LRRC7: variants seen among roughly 807,000 people sequenced by gnomAD.
LRRC7 encodes leucine rich repeat containing 7, also known as leucine-rich repeat-containing protein 7.
Under a neutral mutation model 175.7 loss-of-function variants are expected in LRRC7, and 23 were observed. The ratio of observed to expected loss-of-function variants is 0.13; its 90% CI spans 0.09 to 0.19. The LOEUF (loss-of-function observed/expected upper bound fraction) is 0.19, where lower values mean the gene tolerates loss of function less well. Among genes scored for constraint, LRRC7 ranks in the 10% least tolerant of loss-of-function variants. The probability of loss-of-function intolerance (pLI) is 1.00; values close to 1 mark genes in which losing one functional copy is unlikely to be tolerated. For synonymous variants in LRRC7, 685 were observed against 680.9 expected, an observed-to-expected ratio of 1.01 and a Z score of -0.09; for missense variants, 1,354 against 1,904.7, an observed-to-expected ratio of 0.71 and a Z score of 5.38.
intron 3 of LRRC7, among the ~76,000 whole-genome samples, chr1:69,782,615 CA>C (rs1673899841): frequency 6.6e-6 from 1 of 151,874 alleles, no homozygotes; most frequent in Non-Finnish European, 1.5e-5. Flanking sequence ...GGAGAAGGGC[CA>C]GGGAAAAGGG....
At chr1:69,937,039 T>C (rs1329790892) in intron 8 of LRRC7, among the ~76,000 whole-genome samples, 1 of 152,152 alleles carries the variant, frequency 6.6e-6, no homozygotes, top group African/African-American at 2.4e-5. Context: ...TTTTTACTTA[T>C]ATCTAGCTAT....
At chr1:69,635,138 TC>T (rs1653124630) in intron 1 of LRRC7, among the ~76,000 whole-genome samples, 1 of 152,038 alleles carries the variant, frequency 6.6e-6, no homozygotes, top group South Asian at 2.1e-4. Context: ...CCTTGTGCTC[TC>T]ATCATTTAGC....
At chr1:69,572,318 G>T (rs1226515713) in intron 1 of LRRC7, among the ~76,000 whole-genome samples, 1 of 151,998 alleles carries the variant, frequency 6.6e-6, no homozygotes, top group Non-Finnish European at 1.5e-5. Context: ...AACCTATAAT[G>T]AAGCAAATTA....
intron 1 of LRRC7, among the ~76,000 whole-genome samples, chr1:69,630,149 T>C (rs1033405523): frequency 2.6e-5 from 4 of 152,114 alleles, no homozygotes; most frequent in Non-Finnish European, 5.9e-5. Context: ...ATCTCTCTAT[T>C]TTCTTGTTCC....
At chr1:69,716,779 G>A (rs1665398537) in intron 2 of LRRC7, among the ~76,000 whole-genome samples, 1 of 151,782 alleles carries the variant, frequency 6.6e-6, no homozygotes, top group Non-Finnish European at 1.5e-5. Context: ...AATGATGAAA[G>A]CATGCAATGT....
At chr1:69,804,116 T>C (rs1676839958) in intron 4 of LRRC7, among the ~76,000 whole-genome samples, 1 of 151,456 alleles carries the variant, frequency 6.6e-6, no homozygotes, top group Admixed American at 6.6e-5. Flanking sequence ...ATTTGGGACC[T>C]TTTTATTCAC....
intron 2 of LRRC7, among the ~76,000 whole-genome samples, chr1:69,712,008 A>G (rs528624310): frequency 6.6e-6 from 1 of 152,326 alleles, no homozygotes; most frequent in South Asian, 2.1e-4. Flanking sequence ...AAAGCACTGC[A>G]TGAGGAGATT....
Position 69,946,002 on chromosome 1 carries a change from G to A in LRRC7, c.711+14432G>A, listed in dbSNP as rs76896283. Among the ~76,000 whole-genome samples the A allele has an allele frequency of 2.3e-3, 353 of 152,056 alleles. 3 individuals are homozygous for A. The highest frequency in any genetic ancestry group is 7.4e-3 in the African/African-American group (305 of 41,474). ...CCTAATTTCTATGGCTAGGATTTCC[G>A]GTACTCTGTTGAACAAAACTGGTAA... On this transcript the variant is annotated intron_variant, in intron 8 of 26. Coordinates refer to ENST00000651989, the MANE Select transcript of LRRC7 (RefSeq NM_001370785.2).
rs186201137 is a variant in LRRC7 at position 69,921,995 on chromosome 1, G to A, written c.648-9512G>A. 3.2e-3 allele frequency among the ~76,000 whole-genome samples: 492 copies of A among 152,094 alleles called. 4 individuals are homozygous for A. The highest frequency in any genetic ancestry group is 8.0e-3 in the African/African-American group (333 of 41,478). On this transcript the variant is annotated intron_variant, in intron 7 of 26. Transcript: ENST00000651989. ...GGCTGGGGTGCGATGGCACTATCTC[G>A]GCTCACTGCAACCTCTGCCTCCCAG...
intron 7 of LRRC7, among the ~76,000 whole-genome samples, chr1:69,852,794 T>C (rs1481511130): frequency 2.6e-5 from 4 of 152,138 alleles, no homozygotes; most frequent in Non-Finnish European, 2.9e-5. Flanking sequence ...TACAGTACAT[T>C]TTAGATGGAA....
chr1:69,985,100 A>G (rs1044182859), intron 9 of LRRC7, among the ~76,000 whole-genome samples: 1 of 152,088 alleles, frequency 6.6e-6, no homozygotes, highest in South Asian at 2.1e-4. Context: ...CATTCACTAC[A>G]TGCTTTTTTA....
chr1:70,023,455 T>C, intron 17 of LRRC7, 81 bp downstream of exon 17: 1 of 1,323,904 alleles, frequency 7.6e-7, no homozygotes, highest in Non-Finnish European at 9.9e-7. Context: ...ATGTTCTGCA[T>C]GATTTGGGGT....
At chr1:70,031,180 T>G (rs1332405470) in intron 18 of LRRC7, 2 of 152,256 alleles carry the variant, frequency 1.3e-5, no homozygotes, top group African/African-American at 4.8e-5. Flanking sequence ...AGGGATGCTT[T>G]CTTTCTTGTC....
chr1:69,907,834 T>C lies in LRRC7; in HGVS notation c.648-23673T>C, dbSNP rs547338331. On this transcript the variant is annotated intron_variant, in intron 7 of 26. Coordinates refer to ENST00000651989, the MANE Select transcript of LRRC7 (RefSeq NM_001370785.2). ...TTGATTGGAATAGTTTCAGAAGGAA[T>C]GGTACCAGTTCCTCCTTGTACCTCT... 1.1e-3 allele frequency among the ~76,000 whole-genome samples: 170 copies of C among 152,226 alleles called. 1 individual carries two copies. The highest frequency in any genetic ancestry group is 4.0e-3 in the African/African-American group (166 of 41,528).
chr1:69,615,162 C>A (rs534638334), intron 1 of LRRC7, among the ~76,000 whole-genome samples: 2 of 152,122 alleles, frequency 1.3e-5, no homozygotes, highest in South Asian at 4.1e-4. Flanking sequence ...GTAGGAAACA[C>A]TCTTAACCTC....
intron 1 of LRRC7, among the ~76,000 whole-genome samples, chr1:69,603,609 T>A (rs902379260): frequency 3.9e-5 from 6 of 152,190 alleles, no homozygotes; most frequent in African/African-American, 1.4e-4. Context: ...GTTTGTCTAA[T>A]ACCTTAATCC....
intron 1 of LRRC7, among the ~76,000 whole-genome samples, chr1:69,571,060 G>A (rs113765623): frequency 4.1e-4 from 62 of 152,234 alleles, no homozygotes; most frequent in African/African-American, 1.3e-3. Context: ...ATGCTGCATT[G>A]CATCATACTA....
At chr1:69,870,739 A>T (rs1452986371) in intron 7 of LRRC7, among the ~76,000 whole-genome samples, 1 of 152,130 alleles carries the variant, frequency 6.6e-6, no homozygotes, top group East Asian at 1.9e-4. Context: ...AATTCTCCCA[A>T]CATTCTATCA....
chr1:70,048,098 G>T (rs979606069), intron 22 of LRRC7, among the ~76,000 whole-genome samples: 11 of 151,964 alleles, frequency 7.2e-5, no homozygotes, highest in Admixed American at 1.3e-4. Context: ...TGTTTTATTT[G>T]TAATTAAGCT....
Sources: gnomAD v4.1 joint callset for allele counts (sites outside exome capture counted in the v4.1 genomes callset) on GRCh38, gnomAD v4.1.1 for gene constraint, MANE v1.5 for transcripts, NCBI Gene and HGNC (gene_info 2026-07-23, HGNC 2026-07-21) for gene names.